Variants in TFDP2 observed in about 807,000 individuals in gnomAD.
TFDP2 encodes the protein transcription factor Dp-2.
TFDP2 carries 17 observed loss-of-function variants against 59.3 expected under a neutral mutation model. The ratio of observed to expected loss-of-function variants is 0.29; its 90% CI spans 0.20 to 0.43. The LOEUF is 0.43. Among genes scored for constraint, TFDP2 ranks in the 20% least tolerant of loss-of-function variants. The pLI, the probability that TFDP2 is intolerant of heterozygous loss-of-function variation, is 1.00. For missense variants in TFDP2, 391 were observed against 528.8 expected, an observed-to-expected ratio of 0.74 and a Z score of 2.56; for synonymous variants, 180 against 194.7, an observed-to-expected ratio of 0.92 and a Z score of 0.63.
chr3:142,042,630 C>CTTTTTTTTTTTTTTTTTT (rs66981475), intron 3 of TFDP2, among the ~76,000 whole-genome samples: 47 of 108,120 alleles, frequency 4.3e-4, no homozygotes, highest in East Asian at 1.4e-3. Context: ...CTTTTCTTTT[C>CTTTTTTTTTTTTTTTTTT]TTTTTTTTTT....
At chr3:142,060,415 A>T (rs1421289715) in intron 3 of TFDP2, among the ~76,000 whole-genome samples, 1 of 152,228 alleles carries the variant, frequency 6.6e-6, no homozygotes, top group African/African-American at 2.4e-5. Flanking sequence ...ACCTAAAAAG[A>T]GAAAAACCCA....
At chr3:142,098,780 A>G (rs2061239601) in intron 2 of TFDP2, among the ~76,000 whole-genome samples, 1 of 152,158 alleles carries the variant, frequency 6.6e-6, no homozygotes, top group Non-Finnish European at 1.5e-5. Flanking sequence ...TGAGACAAGT[A>G]TTATGAGGCC....
chr3:141,973,709 T>C (rs1343853479), intron 8 of TFDP2, among the ~76,000 whole-genome samples: 1 of 143,042 alleles, frequency 7.0e-6, no homozygotes, highest in East Asian at 2.1e-4. Flanking sequence ...TTTGGATACA[T>C]ACAGCAAGCA....
chr3:142,078,422 G>C (rs1448030512), intron 3 of TFDP2, among the ~76,000 whole-genome samples: 1 of 152,182 alleles, frequency 6.6e-6, no homozygotes, highest in Non-Finnish European at 1.5e-5. Flanking sequence ...CCTATCTCCA[G>C]GCAGCTCAGC....
chr3:142,045,112 T>C (rs968569109), intron 3 of TFDP2, among the ~76,000 whole-genome samples: 2 of 151,944 alleles, frequency 1.3e-5, no homozygotes, highest in African/African-American at 4.8e-5. Context: ...TTCTGTTTCT[T>C]AAATATCAGA....
At chr3:142,047,089 A>T (rs1186727210) in intron 3 of TFDP2, among the ~76,000 whole-genome samples, 1 of 152,234 alleles carries the variant, frequency 6.6e-6, no homozygotes, top group African/African-American at 2.4e-5. Context: ...AGTAAAAAAG[A>T]AAGTGGCATT....
At chr3:142,128,596 A>G (rs975451334) in intron 1 of TFDP2, among the ~76,000 whole-genome samples, 6 of 152,172 alleles carry the variant, frequency 3.9e-5, no homozygotes, top group Admixed American at 1.3e-4. Flanking sequence ...AATCTCTAAC[A>G]TGAAATAAAG....
rs761950988 is a variant in TFDP2 at position 141,973,123 on chromosome 3, A to ATT, written c.663+923_663+924dup. 8.0e-3 allele frequency among the ~76,000 whole-genome samples: 462 copies of ATT among 57,974 alleles called. 3 individuals are homozygous for ATT. Among genetic ancestry groups the ATT allele is most frequent in the East Asian group, 0.011 (33 of 2,910 alleles). 38.0% of individuals were successfully genotyped at this position (57,974 alleles called of 152,430 possible). A position where few individuals can be genotyped will look rare whatever the true frequency, so the allele number is the denominator to read the frequency against. ...TATATATATATATATATATATATAT[A>ATT]TTTTTTTTTTTTAAAGATGGAGTCT... On this transcript the variant is annotated intron_variant, in intron 8 of 12. Transcript: ENST00000489671.
intron 7 of TFDP2, among the ~76,000 whole-genome samples, chr3:141,977,660 T>G (rs1407831169): frequency 6.6e-6 from 1 of 152,150 alleles, no homozygotes; most frequent in African/African-American, 2.4e-5. Context: ...ACTTAGACAT[T>G]GAAGAAACAA....
chr3:142,007,461 C>G (rs1239494403), intron 3 of TFDP2, among the ~76,000 whole-genome samples: 2 of 152,178 alleles, frequency 1.3e-5, no homozygotes, highest in Admixed American at 6.5e-5. Flanking sequence ...TTCCTTTATG[C>G]TAGTGGTCCC....
At chr3:141,966,916 TAA>T (rs10668338) in intron 9 of TFDP2, among the ~76,000 whole-genome samples, 4 of 120,720 alleles carry the variant, frequency 3.3e-5, no homozygotes, top group Non-Finnish European at 1.7e-5. Context: ...GATTACTTAT[TAA>T]AAAAAAAAAA....
At chr3:142,029,739 T>C (rs1385196429) in intron 3 of TFDP2, among the ~76,000 whole-genome samples, 3 of 152,228 alleles carry the variant, frequency 2.0e-5, no homozygotes, top group Admixed American at 6.5e-5. Flanking sequence ...AAGGTATGTG[T>C]TTGATTACAG....
intron 2 of TFDP2, among the ~76,000 whole-genome samples, chr3:142,094,809 G>C (rs376427558): frequency 6.6e-6 from 1 of 152,056 alleles, no homozygotes; most frequent in South Asian, 2.1e-4. Flanking sequence ...TGTGTGTTGC[G>C]AAGATTCAAT....
At chr3:142,070,062 C>T (rs347678) in intron 3 of TFDP2, among the ~76,000 whole-genome samples, 114,060 of 151,258 alleles carry the variant, frequency 0.75, 42,995 homozygotes, top group South Asian at 0.82. Context: ...TGTGCCACCA[C>T]GCCCAGCTAA....
At chr3:141,977,229 C>G (rs2108049552) in intron 7 of TFDP2, among the ~76,000 whole-genome samples, 1 of 147,816 alleles carries the variant, frequency 6.8e-6, no homozygotes. Context: ...TCTGGAGTAG[C>G]TGGGACTACA....
intron 3 of TFDP2, among the ~76,000 whole-genome samples, chr3:142,009,896 T>C (rs1944520677): frequency 1.3e-5 from 2 of 151,772 alleles, no homozygotes; most frequent in South Asian, 4.1e-4. Flanking sequence ...TTTTTCACAC[T>C]GAACAAAAAT....
chr3:141,976,025 C>T (rs1351335958), intron 7 of TFDP2, among the ~76,000 whole-genome samples: 2 of 151,884 alleles, frequency 1.3e-5, no homozygotes, highest in African/African-American at 2.4e-5. Context: ...GGATTACAGG[C>T]GCCCACCACC....
intron 2 of TFDP2, 41 bp downstream of exon 2, chr3:142,101,694 C>T (rs974158689): frequency 3.8e-6 from 5 of 1,301,572 alleles, no homozygotes; most frequent in Admixed American, 2.7e-5. Context: ...GCACAGCTCA[C>T]TTTAAACAAT....
At chr3:141,968,275 T>TAAC (rs1559936141) in intron 9 of TFDP2, among the ~76,000 whole-genome samples, 1 of 134,592 alleles carries the variant, frequency 7.4e-6, no homozygotes, top group Non-Finnish European at 1.5e-5. Flanking sequence ...TAATTATATA[T>TAAC]AATATATAAC....
Sources: gnomAD v4.1 joint callset for allele counts (sites outside exome capture counted in the v4.1 genomes callset) on GRCh38, gnomAD v4.1.1 for gene constraint, MANE v1.5 for transcripts, NCBI Gene and HGNC (gene_info 2026-07-23, HGNC 2026-07-21) for gene names.